The following EPHB1 variants were observed in gnomAD, a reference collection of about 807,000 sequenced individuals.
The protein encoded by EPHB1 is ephrin type-B receptor 1.
A neutral mutation model predicts 94.4 loss-of-function variants in EPHB1; 30 were observed. The observed-to-expected ratio is 0.32, with a 90% CI of 0.24 to 0.43. The LOEUF is 0.43. EPHB1 is among the 20% of genes least tolerant of loss of function. The pLI is 1.00. For missense variants in EPHB1, 1,055 were observed against 1,308.3 expected, an observed-to-expected ratio of 0.81 and a Z score of 2.99; for synonymous variants, 522 against 489.1, an observed-to-expected ratio of 1.07 and a Z score of -0.89.
chr3:134,817,680 G>C (rs1014937244), intron 1 of EPHB1, among the ~76,000 whole-genome samples: 1 of 152,238 alleles, frequency 6.6e-6, no homozygotes, highest in African/African-American at 2.4e-5. Flanking sequence ...TTCTCTTTGA[G>C]CTCTTCAGTA....
chr3:134,811,333 A>G lies in EPHB1; in HGVS notation c.58+15644A>G, dbSNP rs935413120. On this transcript the variant is annotated intron_variant, in intron 1 of 15. Coordinates refer to ENST00000398015, the MANE Select transcript of EPHB1 (RefSeq NM_004441.5). Reference sequence around the variant, plus strand: ...AGCTCACCGCAAACTCTGCCTCCCAAGTTCAAGCAATCCTCCGGCTTCAGC... The same window carrying G: ...AGCTCACCGCAAACTCTGCCTCCCAGGTTCAAGCAATCCTCCGGCTTCAGC... 3.7e-5 allele frequency among the ~76,000 whole-genome samples: 5 copies of G among 134,450 alleles called. No individual in the cohort carries two copies. In the Admixed American group the frequency reaches 4.7e-4, roughly 13 times the overall value. The allele number at this position is 134,450 out of a possible 152,430, so 88.2% of individuals were successfully genotyped here.
intron 3 of EPHB1, among the ~76,000 whole-genome samples, chr3:135,093,097 A>G (rs945711379): frequency 2.0e-5 from 3 of 152,246 alleles, no homozygotes; most frequent in Non-Finnish European, 4.4e-5. Context: ...GCTGATATCT[A>G]TCTCAGAGCA....
chr3:134,837,639 G>A (rs1007504721), intron 1 of EPHB1, among the ~76,000 whole-genome samples: 5 of 152,178 alleles, frequency 3.3e-5, no homozygotes, highest in African/African-American at 1.2e-4. Flanking sequence ...ACTTAGCTGG[G>A]GGCTTCTTTA....
At chr3:134,855,537 C>G (rs144003236) in intron 1 of EPHB1, among the ~76,000 whole-genome samples, 2 of 152,310 alleles carry the variant, frequency 1.3e-5, no homozygotes, top group East Asian at 1.9e-4. Flanking sequence ...TGATACCCAC[C>G]ACTCATCTGC....
At chr3:135,183,020 CT>C (rs749456969) in intron 10 of EPHB1, among the ~76,000 whole-genome samples, 980 of 61,408 alleles carry the variant, frequency 0.016, 5 homozygotes, top group South Asian at 0.03. Flanking sequence ...CTTTTCTTTT[CT>C]TTTCTTTTCT....
intron 15 of EPHB1, among the ~76,000 whole-genome samples, chr3:135,255,301 T>C (rs1933328744): frequency 6.6e-6 from 1 of 152,064 alleles, no homozygotes; most frequent in Non-Finnish European, 1.5e-5. Context: ...TTAATTGTGA[T>C]GTTTGTTAGG....
intron 12 of EPHB1, among the ~76,000 whole-genome samples, chr3:135,211,258 G>A (rs140188680): frequency 1.3e-3 from 191 of 152,230 alleles, no homozygotes; most frequent in African/African-American, 4.3e-3. Flanking sequence ...TGTTATATAT[G>A]TTCCATCTAC....
intron 3 of EPHB1, among the ~76,000 whole-genome samples, chr3:134,968,263 T>A (rs1486088110): frequency 6.6e-6 from 1 of 152,200 alleles, no homozygotes; most frequent in Admixed American, 6.5e-5. Flanking sequence ...CTTGCAAAGG[T>A]TTAAAAATGG....
intron 12 of EPHB1, among the ~76,000 whole-genome samples, chr3:135,227,321 G>T (rs1262336332): frequency 6.6e-6 from 1 of 152,134 alleles, no homozygotes; most frequent in Non-Finnish European, 1.5e-5. Flanking sequence ...TGTGTTCAAA[G>T]TAAAAAGTGA....
intron 9 of EPHB1, among the ~76,000 whole-genome samples, chr3:135,173,751 ACT>A (rs1941888050): frequency 6.6e-6 from 1 of 151,928 alleles, no homozygotes; most frequent in Admixed American, 6.6e-5. Context: ...CACTCTTCTG[ACT>A]CTGTCTTCAG....
chr3:135,073,568 G>A (rs985650956), intron 3 of EPHB1, among the ~76,000 whole-genome samples: 17 of 152,206 alleles, frequency 1.1e-4, no homozygotes, highest in Middle Eastern at 3.4e-3. Context: ...GTAAATAACC[G>A]TAATACCATT....
rs550220577 is a variant in EPHB1, at chr3:134,922,531, G to C, written c.59-3285G>C. ...AGCAGGTGATCATGACTAATATGAAGTCTTGGGCTGTATTTATGGGGTTAA... is the reference window on the plus strand; with the variant it reads ...AGCAGGTGATCATGACTAATATGAACTCTTGGGCTGTATTTATGGGGTTAA... On this transcript the variant is annotated intron_variant, in intron 1 of 15. Coordinates refer to ENST00000398015, the MANE Select transcript of EPHB1 (RefSeq NM_004441.5). 3.3e-5 allele frequency among the ~76,000 whole-genome samples: 5 copies of C among 152,332 alleles called. No individual in the cohort carries two copies. In the East Asian group the frequency reaches 9.6e-4, roughly 29 times the overall value.
chr3:134,816,269 T>A (rs2036271072), intron 1 of EPHB1, among the ~76,000 whole-genome samples: 1 of 151,796 alleles, frequency 6.6e-6, no homozygotes. Context: ...TTTTTTTGTA[T>A]TTTTAGTAGA....
At chr3:135,179,390 T>A (rs111670895) in intron 9 of EPHB1, among the ~76,000 whole-genome samples, 2,416 of 152,312 alleles carry the variant, frequency 0.016, 26 homozygotes, top group Middle Eastern at 0.034. Context: ...ATCCATCCTC[T>A]TCCCTCTTAC....
chr3:135,230,487 T>C (rs968193715), intron 12 of EPHB1, among the ~76,000 whole-genome samples: 6 of 152,164 alleles, frequency 3.9e-5, no homozygotes, highest in Admixed American at 2.0e-4. Flanking sequence ...GGAACACTGA[T>C]AGCAGGACCC....
chr3:134,851,439 T>C (rs1313306560), intron 1 of EPHB1, among the ~76,000 whole-genome samples: 1 of 151,802 alleles, frequency 6.6e-6, no homozygotes, highest in South Asian at 2.1e-4. Flanking sequence ...CTCCCCTGGG[T>C]TTTCCTCCCT....
chr3:134,891,211 G>T (rs1168799217), intron 1 of EPHB1, among the ~76,000 whole-genome samples: 1 of 152,186 alleles, frequency 6.6e-6, no homozygotes, highest in African/African-American at 2.4e-5. Flanking sequence ...CTAGGCTCAA[G>T]CAATCCTCCT....
At chr3:135,242,820 G>A (rs1192804467) in intron 13 of EPHB1, among the ~76,000 whole-genome samples, 1 of 152,192 alleles carries the variant, frequency 6.6e-6, no homozygotes, top group Non-Finnish European at 1.5e-5. Context: ...GCTCATGCTT[G>A]TAGTCCCAGC....
intron 15 of EPHB1, 66 bp from the exon 16 acceptor site, chr3:135,258,946 G>A (rs946403892): frequency 2.4e-6 from 3 of 1,275,694 alleles, no homozygotes; most frequent in African/African-American, 3.0e-5. Context: ...CTTTAGTGAT[G>A]AGTTTTGATC....
Sources: gnomAD v4.1 joint callset for allele counts (sites outside exome capture counted in the v4.1 genomes callset) on GRCh38, gnomAD v4.1.1 for gene constraint, MANE v1.5 for transcripts, NCBI Gene and HGNC (gene_info 2026-07-23, HGNC 2026-07-21) for gene names.